The following PRIM2 variants were observed in gnomAD, a reference collection of about 807,000 sequenced individuals.
PRIM2 encodes DNA primase large subunit.
In PRIM2, 39 loss-of-function variants were observed where a neutral mutation model predicts 67.3. The ratio of observed to expected loss-of-function variants is 0.58; its 90% CI spans 0.45 to 0.76. The LOEUF (loss-of-function observed/expected upper bound fraction) is 0.76. Among genes scored for constraint, PRIM2 ranks in the 30% least tolerant of loss-of-function variants. The pLI, the probability that PRIM2 is intolerant of heterozygous loss-of-function variation, is 0.00. For synonymous variants in PRIM2, 143 were observed against 198.7 expected (o/e 0.72, Z 2.36); for missense variants, 398 against 598.7 (o/e 0.66, Z 3.50).
intron 12 of PRIM2, among the ~76,000 whole-genome samples, chr6:57,620,292 A>C (rs1411785599): frequency 3.0e-4 from 45 of 152,326 alleles, no homozygotes; most frequent in Non-Finnish European, 5.7e-4. Flanking sequence ...TGAAGGAACA[A>C]ATCTTAAGAG....
At chr6:57,527,112 T>A (rs1554349475) in intron 8 of PRIM2, among the ~76,000 whole-genome samples, 1 of 152,220 alleles carries the variant, frequency 6.6e-6, no homozygotes, top group Admixed American at 6.5e-5. Context: ...GTTTTTTTAT[T>A]TTATGGCAGC....
chr6:57,412,501 T>C (rs1343705573), intron 7 of PRIM2, among the ~76,000 whole-genome samples: 1 of 151,964 alleles, frequency 6.6e-6, no homozygotes, highest in African/African-American at 2.4e-5. Context: ...GTCTTGAAGC[T>C]CTTGATACAT....
chr6:57,548,017 A>G lies in PRIM2; in HGVS notation c.1020+10392A>G, dbSNP rs1775323547. On this transcript the variant is annotated intron_variant, in intron 10 of 13. Transcript: ENST00000615550. ...ATCAAGTTCTGGGGTCAGGGCCCAC[A>G]ATTGGTGGTTTAACAAATCATCCAG... is the stretch of plus-strand genomic sequence containing the variant. Among the ~76,000 whole-genome samples the G allele has an allele frequency of 2.6e-5, 4 of 152,212 alleles. 1 individual carries two copies. The highest frequency in any genetic ancestry group is 9.6e-5 in the African/African-American group (4 of 41,462).
chr6:57,491,733 A>C (rs1242253013), intron 7 of PRIM2, among the ~76,000 whole-genome samples: 1 of 152,166 alleles, frequency 6.6e-6, no homozygotes, highest in Non-Finnish European at 1.5e-5. Flanking sequence ...TTAGGCTCAC[A>C]GGCACCAGAG....
the PRIM2 span, among the ~76,000 whole-genome samples, chr6:57,277,543 T>C: frequency 6.6e-6 from 1 of 152,052 alleles, no homozygotes; most frequent in African/African-American, 2.4e-5. Context: ...GTTAAATGTG[T>C]TGGAGGCAAG....
At chr6:57,299,388 C>T in the PRIM2 span, among the ~76,000 whole-genome samples, 1 of 152,136 alleles carries the variant, frequency 6.6e-6, no homozygotes, top group African/African-American at 2.4e-5. Context: ...TCTTTCCCAA[C>T]CTTGCATTGT....
intron 5 of PRIM2, among the ~76,000 whole-genome samples, chr6:57,346,441 TC>T (rs1768681288): frequency 6.6e-6 from 1 of 152,046 alleles, no homozygotes; most frequent in African/African-American, 2.4e-5. Flanking sequence ...TGCCCCAGCC[TC>T]CCGAGTAGCT....
At chr6:57,553,498 C>T (rs1328855332) in intron 10 of PRIM2, among the ~76,000 whole-genome samples, 2 of 152,116 alleles carry the variant, frequency 1.3e-5, no homozygotes, top group Non-Finnish European at 2.9e-5. Flanking sequence ...CAAGGTAATT[C>T]AAGAAGAGAT....
At chr6:57,282,320 C>T in the PRIM2 span, among the ~76,000 whole-genome samples, 1 of 152,136 alleles carries the variant, frequency 6.6e-6, no homozygotes, top group Non-Finnish European at 1.5e-5. Flanking sequence ...TTTATTAATT[C>T]TCTATGCTTT....
intron 5 of PRIM2, among the ~76,000 whole-genome samples, chr6:57,352,151 T>G (rs1337698504): frequency 1.3e-5 from 2 of 152,202 alleles, no homozygotes; most frequent in Non-Finnish European, 2.9e-5. Context: ...CTGTTTGGTT[T>G]TTGTAGGTGT....
At chr6:57,309,136 A>G in the PRIM2 span, among the ~76,000 whole-genome samples, 4 of 139,196 alleles carry the variant, frequency 2.9e-5, no homozygotes, top group Non-Finnish European at 4.7e-5. Context: ...AGTGGTGATG[A>G]CTCTTTTTTT....
At chr6:57,451,520 G>A (rs1390911156) in intron 7 of PRIM2, among the ~76,000 whole-genome samples, 16 of 152,108 alleles carry the variant, frequency 1.1e-4, no homozygotes, top group African/African-American at 3.6e-4. Context: ...TTTTTCTGAA[G>A]AATTGACTTA....
the PRIM2 span, among the ~76,000 whole-genome samples, chr6:57,309,654 G>A: frequency 1.3e-5 from 2 of 152,150 alleles, no homozygotes; most frequent in African/African-American, 4.8e-5. Flanking sequence ...ACAGCAGCAT[G>A]ATTTATAGTC....
intron 7 of PRIM2, among the ~76,000 whole-genome samples, chr6:57,472,073 CA>C (rs1209749948): frequency 2.0e-5 from 3 of 151,964 alleles, no homozygotes; most frequent in African/African-American, 7.3e-5. Context: ...ATTCAGAAGT[CA>C]GCTGCTATTT....
chr6:57,511,283 C>T (rs1267976003), intron 8 of PRIM2, among the ~76,000 whole-genome samples: 7 of 152,098 alleles, frequency 4.6e-5, no homozygotes, highest in African/African-American at 9.7e-5. Flanking sequence ...AGAAAAACAT[C>T]GTGCTTCAAT....
At chr6:57,486,486 G>T in intron 7 of PRIM2, among the ~76,000 whole-genome samples, 1 of 152,320 alleles carries the variant, frequency 6.6e-6, no homozygotes, top group Admixed American at 6.5e-5. Flanking sequence ...GGAAGACCAC[G>T]GAAAGCAGAT....
upstream of PRIM2, among the ~76,000 whole-genome samples, chr6:57,314,509 T>C (rs1293793640): frequency 6.6e-6 from 1 of 152,208 alleles, no homozygotes; most frequent in Non-Finnish European, 1.5e-5. Flanking sequence ...GAGCGAGACT[T>C]CGTCTCAAAA....
At chr6:57,504,157 C>T (rs1351195145) in intron 7 of PRIM2, among the ~76,000 whole-genome samples, 1 of 152,184 alleles carries the variant, frequency 6.6e-6, no homozygotes, top group Non-Finnish European at 1.5e-5. Flanking sequence ...CACCTCCAGA[C>T]TCCCTTTTGT....
chr6:57,235,580 T>A, the PRIM2 span, among the ~76,000 whole-genome samples: 1 of 152,216 alleles, frequency 6.6e-6, no homozygotes, highest in Non-Finnish European at 1.5e-5. Context: ...GGCAAGATAA[T>A]GCCCCAATCT....
Sources: allele counts gnomAD v4.1 joint callset (sites outside exome capture counted in the v4.1 genomes callset), GRCh38; gene constraint gnomAD v4.1.1; transcripts MANE v1.5; gene names NCBI Gene and HGNC (gene_info 2026-07-23, HGNC 2026-07-21).